The following SOX5 variants were observed in gnomAD, a reference collection of about 807,000 sequenced individuals.
SOX5 encodes the protein SRY-box transcription factor 5, also known as transcription factor SOX-5.
Under a neutral mutation model 92.0 loss-of-function variants are expected in SOX5, and 9 were observed. The observed-to-expected ratio is 0.10, with a 90% CI of 0.06 to 0.17. The LOEUF is 0.17. Among genes scored for constraint, SOX5 ranks in the 10% least tolerant of loss-of-function variants. The pLI is 1.00. For missense variants in SOX5, 642 were observed against 944.5 expected (o/e 0.68, Z 4.20); for synonymous variants, 344 against 336.3 (o/e 1.02, Z -0.25).
intron 3 of SOX5, among the ~76,000 whole-genome samples, chr12:23,769,179 A>C (rs2094839950): frequency 6.6e-6 from 1 of 152,146 alleles, no homozygotes. Flanking sequence ...CAAATCTCCA[A>C]ACATGTGAAG....
chr12:23,913,642 A>G (rs2097376842), intron 1 of SOX5, among the ~76,000 whole-genome samples: 1 of 151,880 alleles, frequency 6.6e-6, no homozygotes, highest in African/African-American at 2.4e-5. Flanking sequence ...AGGCTAAGGC[A>G]GGAGAATCTC....
chr12:24,007,247 G>A (rs369194873), intron 4 of SOX5, among the ~76,000 whole-genome samples: 1,629 of 2,854 alleles, frequency 0.57, 693 homozygotes, highest in Middle Eastern at 1. Context: ...ATATATAAAT[G>A]TATATAAATG....
At chr12:24,522,073 A>G (rs1292604992) in intron 1 of SOX5, among the ~76,000 whole-genome samples, 1 of 152,004 alleles carries the variant, frequency 6.6e-6, no homozygotes, top group Non-Finnish European at 1.5e-5. Flanking sequence ...ACCCAAAATC[A>G]GAAATAAAGG....
chr12:24,156,822 T>C (rs1055105540), intron 4 of SOX5, among the ~76,000 whole-genome samples: 1 of 152,144 alleles, frequency 6.6e-6, no homozygotes, highest in Non-Finnish European at 1.5e-5. Flanking sequence ...TAAAAATCTA[T>C]GCATGGAATA....
At chr12:24,432,216 TG>T (rs1228489659) in intron 1 of SOX5, among the ~76,000 whole-genome samples, 5 of 152,166 alleles carry the variant, frequency 3.3e-5, no homozygotes, top group African/African-American at 1.2e-4. Flanking sequence ...ATTTTGGTTG[TG>T]CCACTTTACT....
intron 3 of SOX5, among the ~76,000 whole-genome samples, chr12:23,802,278 C>T (rs926842121): frequency 2.0e-5 from 3 of 151,938 alleles, no homozygotes; most frequent in African/African-American, 7.3e-5. Flanking sequence ...GACGGGGTTT[C>T]ACCTTGTTAG....
intron 3 of SOX5, among the ~76,000 whole-genome samples, chr12:23,808,922 T>C (rs1002798416): frequency 1.3e-5 from 2 of 152,132 alleles, no homozygotes; most frequent in African/African-American, 4.8e-5. Flanking sequence ...CATATTAACA[T>C]TCAATATTCT....
intron 11 of SOX5, 62 bp downstream of exon 11, chr12:23,563,196 T>C (rs190115537): frequency 9.1e-6 from 12 of 1,320,348 alleles, no homozygotes; most frequent in Non-Finnish European, 1.3e-5. Context: ...ATATTTTTTT[T>C]AAAAAAGCAT....
At chr12:23,534,547 A>G in intron 14 of SOX5, 25 bp from the exon 15 acceptor site, 1 of 1,591,136 alleles carries the variant, frequency 6.3e-7, no homozygotes, top group Non-Finnish European at 8.6e-7. Context: ...ATTTCCAAAA[A>G]GACATCGTGG....
Position 23,538,423 on chromosome 12 carries a change from G to A in SOX5, c.1772-1754C>T, listed in dbSNP as rs147290242. Among the ~76,000 whole-genome samples, 3 of 152,122 alleles carry A rather than the reference G, an allele frequency of 2.0e-5. No homozygotes were observed. The East Asian group carries it at 5.8e-4, about 29-fold the overall frequency. The stretch of plus-strand genomic sequence containing the variant: ...TAGAGTTTCTTTTTCTATTCCTTTC[G>A]TAAACTTCTGTTTAAATAGCATCAT... On this transcript the variant is annotated intron_variant, in intron 13 of 14. Transcript: ENST00000451604.
intron 4 of SOX5, among the ~76,000 whole-genome samples, chr12:23,970,055 T>A (rs1017075670): frequency 2.6e-5 from 4 of 152,164 alleles, no homozygotes; most frequent in Admixed American, 2.0e-4. Flanking sequence ...CGTGCACAAG[T>A]ACACCCTACT....
chr12:23,687,330 G>T (rs1027316749), intron 6 of SOX5, among the ~76,000 whole-genome samples: 3 of 151,934 alleles, frequency 2.0e-5, no homozygotes, highest in African/African-American at 4.8e-5. Flanking sequence ...TATATATACA[G>T]GCATGAAAGC....
chr12:24,535,459 G>T (rs1951559071), intron 1 of SOX5, among the ~76,000 whole-genome samples: 1 of 152,168 alleles, frequency 6.6e-6, no homozygotes, highest in African/African-American at 2.4e-5. Flanking sequence ...TATGTTTGGG[G>T]TAGTTACCAA....
chr12:23,826,404 C>T (rs920655250), intron 3 of SOX5, among the ~76,000 whole-genome samples: 1 of 152,130 alleles, frequency 6.6e-6, no homozygotes, highest in Non-Finnish European at 1.5e-5. Context: ...TGTCCTATTG[C>T]AGCCCAGAAC....
At chr12:24,150,349 CAGA>C (rs1224526780) in intron 4 of SOX5, among the ~76,000 whole-genome samples, 2 of 152,138 alleles carry the variant, frequency 1.3e-5, no homozygotes, top group Middle Eastern at 3.4e-3. Context: ...ATGTAGACTA[CAGA>C]AGAATAGATT....
chr12:24,302,106 G>T (rs975242446), intron 2 of SOX5, among the ~76,000 whole-genome samples: 1 of 152,072 alleles, frequency 6.6e-6, no homozygotes, highest in Non-Finnish European at 1.5e-5. Context: ...ATACAACTGG[G>T]TGGGAAGTTC....
At chr12:24,431,224 A>G (rs997250534) in intron 1 of SOX5, among the ~76,000 whole-genome samples, 3 of 152,208 alleles carry the variant, frequency 2.0e-5, no homozygotes, top group Admixed American at 6.5e-5. Flanking sequence ...GATAAAACTC[A>G]GGTTCAAACT....
chr12:24,356,244 T>C (rs1320935791), intron 2 of SOX5, among the ~76,000 whole-genome samples: 5 of 152,126 alleles, frequency 3.3e-5, no homozygotes, highest in Non-Finnish European at 7.4e-5. Flanking sequence ...AAGCAATGAT[T>C]AGGGACATAA....
intron 2 of SOX5, among the ~76,000 whole-genome samples, chr12:24,306,433 T>TA (rs982946476): frequency 3.9e-5 from 6 of 152,108 alleles, no homozygotes; most frequent in African/African-American, 9.7e-5. Flanking sequence ...GTTATTTCCA[T>TA]AAAAAAAGCA....
Sources: gnomAD v4.1 joint callset for allele counts (sites outside exome capture counted in the v4.1 genomes callset) on GRCh38, gnomAD v4.1.1 for gene constraint, MANE v1.5 for transcripts, NCBI Gene and HGNC (gene_info 2026-07-23, HGNC 2026-07-21) for gene names.